The following SRSF6 variants were observed in gnomAD, a reference collection of about 807,000 sequenced individuals.
The protein encoded by SRSF6 is serine and arginine rich splicing factor 6.
A neutral mutation model predicts 42.0 loss-of-function variants in SRSF6; 17 were observed. That is an observed-to-expected ratio of 0.40 (90% CI 0.28 to 0.61). SRSF6 has a LOEUF of 0.61. SRSF6 is among the 20% of genes least tolerant of loss of function. The probability of loss-of-function intolerance (pLI) is 0.37; values close to 1 mark genes in which losing one functional copy is unlikely to be tolerated. For synonymous variants in SRSF6, 204 were observed against 166.7 expected (o/e 1.22, Z -1.72); for missense variants, 379 against 471.4 (o/e 0.80, Z 1.81).
rs1444937053 is a variant in SRSF6 at position 43,464,204 on chromosome 20, A to G, written c.*3141A>G. 1.3e-5 allele frequency: 2 copies of G among 152,232 alleles called. No homozygotes were observed. The highest frequency in any genetic ancestry group is 2.9e-5 in the Non-Finnish European group (2 of 68,040). The allele number at this position is 152,232 out of a possible 1,614,324, so 9.4% of individuals were successfully genotyped here. A position where few individuals can be genotyped will look rare whatever the true frequency, so the allele number is the denominator to read the frequency against. ...CAGCATGAATTTAAAAATTACTTTCAAGATTCAACATTACACAATAAAACT... is the reference window on the plus strand; with the variant it reads ...CAGCATGAATTTAAAAATTACTTTCGAGATTCAACATTACACAATAAAACT... On this transcript the variant is annotated 3_prime_UTR_variant, in exon 6 of 6. Coordinates refer to ENST00000244020, the MANE Select transcript of SRSF6 (RefSeq NM_006275.6).
rs1447018234 is a variant in SRSF6, at chr20:43,461,558, T to A, written c.*495T>A. 1 of 152,612 alleles carries A rather than the reference T, an allele frequency of 6.6e-6. No homozygotes were observed. The highest frequency in any genetic ancestry group is 2.4e-5 in the African/African-American group (1 of 41,408). The allele number at this position is 152,612 out of a possible 1,614,324, so 9.5% of individuals were successfully genotyped here. On this transcript the variant is annotated 3_prime_UTR_variant, in exon 6 of 6. Transcript: ENST00000244020. ...AATAAAAGTTTGCTACCAAGATGATTGCCTTATTGAATAGGTCACTATTAA... is the reference window on the plus strand; with the variant it reads ...AATAAAAGTTTGCTACCAAGATGATAGCCTTATTGAATAGGTCACTATTAA...
Position 43,458,019 on chromosome 20 carries a change from C to T in SRSF6, c.-15C>T, listed in dbSNP as rs771225831. On this transcript the variant is annotated 5_prime_UTR_variant, in exon 1 of 6. Transcript: ENST00000244020. Reference sequence around the variant, plus strand: ...CGTTCGACAACCAGCCCTTGGGTCCCCGCCCGCCACGGACATGCCGCGCGT... The same window carrying T: ...CGTTCGACAACCAGCCCTTGGGTCCTCGCCCGCCACGGACATGCCGCGCGT... 8.7e-6 allele frequency: 14 copies of T among 1,606,654 alleles called. No homozygotes were observed. In the South Asian group the frequency reaches 1.5e-4, roughly 18 times the overall value.
In SRSF6 at chr20:43,458,539, C is replaced by T. The variant is rs575657757; in HGVS notation, c.256+30C>T. 5.5e-6 allele frequency: 8 copies of T among 1,461,244 alleles called. No homozygotes were observed. The African/African-American group carries it at 7.4e-5, about 14-fold the overall frequency. The allele number at this position is 1,461,244 out of a possible 1,614,324, so 90.5% of individuals were successfully genotyped here. A position where few individuals can be genotyped will look rare whatever the true frequency, so the allele number is the denominator to read the frequency against. Reference sequence around the variant, plus strand: ...GTCCCACCCCCGCGCGCTCCGCGCCCTTGGGGACCCTGGGGGCGGGGGTGG... The same window carrying T: ...GTCCCACCCCCGCGCGCTCCGCGCCTTTGGGGACCCTGGGGGCGGGGGTGG... On this transcript the variant is annotated intron_variant, in intron 2 of 5. Coordinates refer to ENST00000244020, the MANE Select transcript of SRSF6 (RefSeq NM_006275.6).
At position 43,462,741 on chromosome 20, in the gene SRSF6, C is replaced by G. The variant is rs1406808161; in HGVS notation, c.*1678C>G. The G allele has an allele frequency of 6.6e-6, 1 of 152,222 alleles. No homozygotes were observed. Among genetic ancestry groups the G allele is most frequent in the African/African-American group, 2.4e-5 (1 of 41,454 alleles). 9.4% of individuals were successfully genotyped at this position (152,222 alleles called of 1,614,324 possible). ...ATTCCTGGGTTTCCTGTTAAAAAAT[C>G]TTAAAGCCCAACCTTAGGAATATAG... On this transcript the variant is annotated 3_prime_UTR_variant, in exon 6 of 6. Coordinates refer to ENST00000244020, the MANE Select transcript of SRSF6 (RefSeq NM_006275.6).
chr20:43,458,259 G>C (rs979055382), intron 1 of SRSF6, 102 bp from the exon 2 acceptor site: 1 of 1,400,802 alleles, frequency 7.1e-7, no homozygotes. Context: ...AGATGGCGAC[G>C]GCGCGGCGTC....
chr20:43,458,315 G>C (rs778895455), intron 1 of SRSF6, 46 bp from the exon 2 acceptor site: 70 of 1,477,180 alleles, frequency 4.7e-5, no homozygotes, highest in Non-Finnish European at 6.1e-5. Context: ...TGCGCGTCCT[G>C]GCTAACGACT....
Position 43,461,248 on chromosome 20 carries a change from C to T in SRSF6, c.*185C>T. On this transcript the variant is annotated 3_prime_UTR_variant, in exon 6 of 6. Coordinates refer to ENST00000244020, the MANE Select transcript of SRSF6 (RefSeq NM_006275.6). ...CTAAGGAAATGGTGGCATGAAGACC[C>T]TCTCCCTTCTTTGTAGAATTAAGAT... 1 of 656,862 alleles carries T rather than the reference C, an allele frequency of 1.5e-6. No homozygotes were observed. The highest frequency in any genetic ancestry group is 2.2e-6 in the Non-Finnish European group (1 of 457,518). 40.7% of individuals were successfully genotyped at this position (656,862 alleles called of 1,614,324 possible).
At position 43,461,812 on chromosome 20, in the gene SRSF6, T is replaced by C. The variant is rs1364326881; in HGVS notation, c.*749T>C. The C allele has an allele frequency of 6.6e-6, 1 of 152,604 alleles. No individual in the cohort carries two copies. The highest frequency in any genetic ancestry group is 1.9e-4 in the East Asian group (1 of 5,198). The allele number at this position is 152,604 out of a possible 1,614,324, so 9.5% of individuals were successfully genotyped here. A position where few individuals can be genotyped will look rare whatever the true frequency, so the allele number is the denominator to read the frequency against. On this transcript the variant is annotated 3_prime_UTR_variant, in exon 6 of 6. Transcript: ENST00000244020. ...ATGATTTTGCTTAAATTAATACTTT[T>C]AAGTAATGGAACTTTTTTCAAAGGC...
Position 43,461,061 on chromosome 20 carries a change from T to G in SRSF6, c.1033T>G (p.Ter345GluextTer16). ...AAGGTCCAGGTCGAGTTCCAGAGATTAACTCAGAACTCCTTGTTTGCACAT... is the reference window on the plus strand; with the variant it reads ...AAGGTCCAGGTCGAGTTCCAGAGATGAACTCAGAACTCCTTGTTTGCACAT... The part of the protein sequence containing the change: ...RSRSRSSSRD[*>E] Residue 345 changes from the stop codon to glutamate (E), a stop_lost, in exon 6 of 6, where the codon TAA (stop) becomes GAA (glutamate). Coordinates refer to ENST00000244020, the MANE Select transcript of SRSF6 (RefSeq NM_006275.6). The G allele has an allele frequency of 6.4e-7, 1 of 1,570,862 alleles. No individual in the cohort carries two copies. Among genetic ancestry groups the G allele is most frequent in the Non-Finnish European group, 8.6e-7 (1 of 1,160,760 alleles).
Sources: gnomAD v4.1 joint callset for allele counts on GRCh38, gnomAD v4.1.1 for gene constraint, MANE v1.5 for transcripts, NCBI Gene and HGNC (gene_info 2026-07-23, HGNC 2026-07-21) for gene names.